CLNK: variants seen among roughly 807,000 people sequenced by gnomAD.
CLNK encodes cytokine dependent hematopoietic cell linker.
A neutral mutation model predicts 68.6 loss-of-function variants in CLNK; 74 were observed. That is an observed-to-expected ratio of 1.08 (90% CI 0.89 to 1.31). The LOEUF is 1.31. Ranked by LOEUF, CLNK falls within the 50% of genes most tolerant of loss-of-function variation. The probability of loss-of-function intolerance (pLI) is 0.00; values close to 1 mark genes in which losing one functional copy is unlikely to be tolerated. For synonymous variants in CLNK, 198 were observed against 172.2 expected (o/e 1.15, Z -1.17); for missense variants, 553 against 515.3 (o/e 1.07, Z -0.71).
At chr4:10,628,294 G>C (rs1722754201) in intron 2 of CLNK, among the ~76,000 whole-genome samples, 1 of 145,498 alleles carries the variant, frequency 6.9e-6, no homozygotes, top group Non-Finnish European at 1.5e-5. Flanking sequence ...TCCTTAAAAG[G>C]CTTGTTTAGT....
In CLNK at chr4:10,490,629, G is replaced by C. The variant is rs572329542; in HGVS notation, c.1141-16C>G. ...AATCAAACTTCTGAAACACAGAAAA[G>C]AAAGTTAATGACTTTTAAAATATCT... On this transcript the variant is annotated splice_polypyrimidine_tract_variant and intron_variant, in intron 18 of 18. Transcript: ENST00000226951. 132 of 1,550,200 alleles carry C rather than the reference G, an allele frequency of 8.5e-5. 8 individuals carry two copies. The South Asian group carries it at 1.5e-3, about 18-fold the overall frequency.
intron 8 of CLNK, among the ~76,000 whole-genome samples, chr4:10,548,979 G>A (rs1719342681): frequency 6.6e-6 from 1 of 152,166 alleles, no homozygotes; most frequent in African/African-American, 2.4e-5. Flanking sequence ...GATTGCCTTG[G>A]CCACTCAGGG....
chr4:10,574,992 C>G (rs932169359), intron 4 of CLNK, among the ~76,000 whole-genome samples: 1 of 152,178 alleles, frequency 6.6e-6, no homozygotes, highest in Non-Finnish European at 1.5e-5. Context: ...TTGTTGGAGA[C>G]GTGAGTCTTG....
intron 17 of CLNK, among the ~76,000 whole-genome samples, chr4:10,502,630 G>A (rs1717102977): frequency 6.6e-6 from 1 of 151,696 alleles, no homozygotes; most frequent in African/African-American, 2.4e-5. Flanking sequence ...AGCAGGCTTT[G>A]AGCAGAAAAA....
Position 10,490,493 on chromosome 4 carries a change from G to C in CLNK, c.1261C>G (p.Leu421Val), listed in dbSNP as rs1432296062. The C allele has an allele frequency of 6.2e-7, 1 of 1,613,408 alleles. No individual in the cohort carries two copies. The highest frequency in any genetic ancestry group is 2.2e-5 in the East Asian group (1 of 44,880). The change falls in exon 19 of 19, where the codon CTC becomes GTC. Residue 421 changes from leucine (L) to valine (V), a missense_variant. Leu to Val is a conservative substitution (Grantham distance 32). Transcript: ENST00000226951. ...KQCHLTQPLP[L>V]TRHLLPL is the part of the protein sequence containing the mutation. The stretch of plus-strand genomic sequence containing the variant: ...TACAGAGGCAAGAGGTGTCTGGTGA[G>C]AGGGAGTGGCTGAGTGAGGTGACAC...
At chr4:10,705,971 A>T in the CLNK span, among the ~76,000 whole-genome samples, 4 of 152,240 alleles carry the variant, frequency 2.6e-5, no homozygotes, top group African/African-American at 9.6e-5. Context: ...GATCCTGGAA[A>T]GGCATTTTGA....
chr4:10,608,084 G>A (rs553337428), intron 2 of CLNK, among the ~76,000 whole-genome samples: 14 of 152,320 alleles, frequency 9.2e-5, no homozygotes, highest in African/African-American at 2.9e-4. Context: ...CATGACATGA[G>A]AACTTGGAGT....
chr4:10,524,348 G>A (rs1177136979), intron 14 of CLNK, among the ~76,000 whole-genome samples: 7 of 152,258 alleles, frequency 4.6e-5, no homozygotes, highest in Admixed American at 1.3e-4. Flanking sequence ...AGCAATGAGA[G>A]TGAATGTTCG....
In CLNK at chr4:10,631,878, A is replaced by T. The variant is rs557903910; in HGVS notation, c.12-33829T>A. Among the ~76,000 whole-genome samples, 44 of 152,306 alleles carry T rather than the reference A, an allele frequency of 2.9e-4. 1 individual carries two copies. The South Asian group carries it at 7.5e-3, about 26-fold the overall frequency. ...CCTTCAGAGGTCACACAGCTATTGG[A>T]CAATTGGGTAAGGATTCAAATATGT... is the stretch of plus-strand genomic sequence containing the variant. On this transcript the variant is annotated intron_variant, in intron 2 of 18. Transcript: ENST00000226951.
chr4:10,575,543 A>T (rs1477606778), intron 4 of CLNK, among the ~76,000 whole-genome samples: 3 of 152,246 alleles, frequency 2.0e-5, no homozygotes, highest in African/African-American at 7.2e-5. Context: ...ACACGTGCAC[A>T]CCAGGCCTGT....
chr4:10,582,891 T>C (rs1720834189), intron 4 of CLNK, among the ~76,000 whole-genome samples: 1 of 152,052 alleles, frequency 6.6e-6, no homozygotes, highest in Admixed American at 6.6e-5. Flanking sequence ...ACACCTCACA[T>C]CATAGATATA....
chr4:10,597,328 T>TTAGTC (rs1287057108), intron 3 of CLNK, among the ~76,000 whole-genome samples: 1 of 152,170 alleles, frequency 6.6e-6, no homozygotes, highest in African/African-American at 2.4e-5. Context: ...TGGCCCAGGT[T>TTAGTC]TAGTCGGCTG....
chr4:10,500,739 T>G (rs533732748), intron 18 of CLNK, among the ~76,000 whole-genome samples: 1 of 152,248 alleles, frequency 6.6e-6, no homozygotes, highest in South Asian at 2.1e-4. Flanking sequence ...TTATCCTTTC[T>G]TGTGGATTGA....
chr4:10,635,770 T>G (rs1395617449), intron 2 of CLNK: 1 of 152,196 alleles, frequency 6.6e-6, no homozygotes. Context: ...GCTTATAGGT[T>G]AGATACCTTG....
At chr4:10,708,850 G>A in the CLNK span, among the ~76,000 whole-genome samples, 121,618 of 152,158 alleles carry the variant, frequency 0.8, 48,952 homozygotes, top group Admixed American at 0.86. Flanking sequence ...GAAGGAGCAC[G>A]GAATGTAAAG....
At chr4:10,590,469 C>T (rs895876186) in intron 3 of CLNK, among the ~76,000 whole-genome samples, 2 of 152,090 alleles carry the variant, frequency 1.3e-5, no homozygotes, top group African/African-American at 4.8e-5. Flanking sequence ...CTTTCTTTGC[C>T]CCCTTGAGTG....
chr4:10,653,037 G>C (rs192361332), intron 2 of CLNK, among the ~76,000 whole-genome samples: 1 of 152,172 alleles, frequency 6.6e-6, no homozygotes, highest in South Asian at 2.1e-4. Context: ...CATATCCTTT[G>C]CAGGGACATG....
intron 5 of CLNK, among the ~76,000 whole-genome samples, chr4:10,570,217 G>A (rs1041621560): frequency 6.6e-6 from 1 of 152,170 alleles, no homozygotes; most frequent in East Asian, 1.9e-4. Context: ...TCTTGGACCT[G>A]CTGGAAGAAC....
At chr4:10,654,305 A>T (rs1723868983) in intron 2 of CLNK, among the ~76,000 whole-genome samples, 2 of 150,066 alleles carry the variant, frequency 1.3e-5, no homozygotes, top group South Asian at 4.2e-4. Context: ...TATTAACAAA[A>T]GCAGAAGGAA....
Sources: gnomAD v4.1 joint callset for allele counts (sites outside exome capture counted in the v4.1 genomes callset) on GRCh38, gnomAD v4.1.1 for gene constraint, MANE v1.5 for transcripts, NCBI Gene and HGNC (gene_info 2026-07-23, HGNC 2026-07-21) for gene names.